Variants in DPYS observed in about 807,000 individuals in gnomAD.
DPYS encodes the protein dihydropyrimidine amidohydrolase.
A neutral mutation model predicts 50.3 loss-of-function variants in DPYS; 39 were observed. The observed-to-expected ratio is 0.78, with a 90% CI of 0.60 to 1.01. DPYS has a LOEUF of 1.01. DPYS is among the 50% of genes least tolerant of loss of function. The pLI, the probability that DPYS is intolerant of heterozygous loss-of-function variation, is 0.00. For missense variants in DPYS, 659 were observed against 680.9 expected, an observed-to-expected ratio of 0.97 and a Z score of 0.36; for synonymous variants, 245 against 250.7, an observed-to-expected ratio of 0.98 and a Z score of 0.22.
intron 1 of DPYS, among the ~76,000 whole-genome samples, chr8:104,465,666 A>G (rs894866291): frequency 9.9e-5 from 15 of 152,128 alleles, no homozygotes; most frequent in Non-Finnish European, 2.2e-4. Context: ...ACTAACACTA[A>G]CGACAGCCAA....
intron 7 of DPYS, among the ~76,000 whole-genome samples, chr8:104,403,669 G>A (rs1811901155): frequency 6.6e-6 from 1 of 152,166 alleles, no homozygotes; most frequent in African/African-American, 2.4e-5. Context: ...CCCTACTGAG[G>A]GAAATGAAAA....
chr8:104,448,016 C>T (rs1813599034), intron 2 of DPYS, among the ~76,000 whole-genome samples: 1 of 152,136 alleles, frequency 6.6e-6, no homozygotes, highest in Admixed American at 6.5e-5. Flanking sequence ...TAGAGCCAGC[C>T]GTGGTGGCAT....
Position 104,466,892 on chromosome 8 carries a change from C to A in DPYS, c.29G>T (p.Arg10Leu). 1.3e-6 allele frequency: 2 copies of A among 1,510,918 alleles called. No homozygotes were observed. The highest frequency in any genetic ancestry group is 2.5e-5 in the South Asian group (2 of 81,402). The allele number at this position is 1,510,918 out of a possible 1,614,324, so 93.6% of individuals were successfully genotyped here. Residue 10 changes from arginine to leucine, a missense_variant, in exon 1 of 10, where the codon CGC becomes CTC. Physicochemically the swap from Arg to Leu is moderately radical, Grantham distance 102. Transcript: ENST00000351513. ...GTCATCGTTGACCACGCGACCCCCGCGGATCAGGAGCCGCGAGGGCGCCGC... is the reference window on the plus strand; with the variant it reads ...GTCATCGTTGACCACGCGACCCCCGAGGATCAGGAGCCGCGAGGGCGCCGC... MAAPSRLLI[R>L]GGRVVNDDFS...
chr8:104,395,508 C>T (rs1188643457), intron 7 of DPYS, among the ~76,000 whole-genome samples: 1 of 152,162 alleles, frequency 6.6e-6, no homozygotes, highest in Non-Finnish European at 1.5e-5. Flanking sequence ...CTGATCTATT[C>T]TTCATCACTA....
At chr8:104,439,852 T>A (rs1011169829) in intron 4 of DPYS, among the ~76,000 whole-genome samples, 1 of 152,204 alleles carries the variant, frequency 6.6e-6, no homozygotes, top group African/African-American at 2.4e-5. Context: ...CAACTTCAGA[T>A]CAATTTCTCC....
At chr8:104,395,154 C>T (rs1811535488) in intron 7 of DPYS, among the ~76,000 whole-genome samples, 1 of 151,860 alleles carries the variant, frequency 6.6e-6, no homozygotes, top group South Asian at 2.1e-4. Context: ...TGCCACCACA[C>T]CCAGCTAATT....
chr8:104,408,778 C>T (rs1443675512), intron 7 of DPYS, among the ~76,000 whole-genome samples: 1 of 151,392 alleles, frequency 6.6e-6, no homozygotes, highest in Non-Finnish European at 1.5e-5. Flanking sequence ...TCAAAGGATT[C>T]TAAAATACAT....
At chr8:104,435,761 C>A (rs1453784104) in intron 4 of DPYS, among the ~76,000 whole-genome samples, 1 of 152,120 alleles carries the variant, frequency 6.6e-6, no homozygotes, top group Non-Finnish European at 1.5e-5. Flanking sequence ...CCCACCTCTT[C>A]TTTCCCAGTT....
intron 7 of DPYS, among the ~76,000 whole-genome samples, chr8:104,416,355 T>C (rs546631286): frequency 6.6e-6 from 1 of 152,230 alleles, no homozygotes; most frequent in South Asian, 2.1e-4. Flanking sequence ...ATGTGAAGAG[T>C]GCCCCTGTAA....
intron 4 of DPYS, among the ~76,000 whole-genome samples, chr8:104,432,076 C>A (rs1255025307): frequency 6.6e-6 from 1 of 152,186 alleles, no homozygotes; most frequent in Non-Finnish European, 1.5e-5. Flanking sequence ...ACATTCACAA[C>A]TGGAGGGTTT....
At chr8:104,403,549 C>T (rs1340047751) in intron 7 of DPYS, among the ~76,000 whole-genome samples, 3 of 152,100 alleles carry the variant, frequency 2.0e-5, no homozygotes, top group Non-Finnish European at 4.4e-5. Flanking sequence ...GGAAGGAGGG[C>T]TCTCAATTTA....
At chr8:104,384,756 T>C (rs2140504058) in intron 8 of DPYS, among the ~76,000 whole-genome samples, 1 of 152,318 alleles carries the variant, frequency 6.6e-6, no homozygotes, top group East Asian at 1.9e-4. Flanking sequence ...GCTAAAAGCA[T>C]ACCTAATTCT....
In DPYS at chr8:104,451,390, T is replaced by C. The variant is rs1422653354; in HGVS notation, c.279A>G (p.Gly93=). The C allele has an allele frequency of 6.2e-7, 1 of 1,614,020 alleles. No individual in the cohort carries two copies. The highest frequency in any genetic ancestry group is 8.5e-7 in the Non-Finnish European group (1 of 1,180,020). The part of the protein sequence containing the change: ...FHQGTKAALS[G]GTTMIIDFAI... ...CGAAATCAATAATCATGGTGGTGCC[T>C]CCTGAGAGAGCAGCCTGGAATCATA... Residue 93 remains glycine (G), a synonymous_variant, in exon 2 of 10, where the codon GGA becomes GGG. Coordinates refer to ENST00000351513, the MANE Select transcript of DPYS (RefSeq NM_001385.3).
chr8:104,394,385 C>A (rs185030930), intron 7 of DPYS, among the ~76,000 whole-genome samples: 67 of 152,284 alleles, frequency 4.4e-4, no homozygotes, highest in Admixed American at 2.6e-3. Flanking sequence ...ACAACCCACC[C>A]ACTCAAGTTT....
At chr8:104,380,361 A>C (rs1419432931) in intron 9 of DPYS, among the ~76,000 whole-genome samples, 1 of 152,266 alleles carries the variant, frequency 6.6e-6, no homozygotes, top group African/African-American at 2.4e-5. Context: ...TCTTGTGCAG[A>C]TGGCCACGTG....
At chr8:104,433,006 A>G (rs778226327) in intron 4 of DPYS, among the ~76,000 whole-genome samples, 2 of 152,232 alleles carry the variant, frequency 1.3e-5, no homozygotes, top group Non-Finnish European at 2.9e-5. Flanking sequence ...CCCTAATTCA[A>G]TAACACTGTG....
chr8:104,401,152 A>T (rs1811790578), intron 7 of DPYS, among the ~76,000 whole-genome samples: 1 of 152,220 alleles, frequency 6.6e-6, no homozygotes, highest in Non-Finnish European at 1.5e-5. Context: ...TGAGAAACAA[A>T]AAAAGTTAAT....
At chr8:104,414,677 C>T (rs1812307173) in intron 7 of DPYS, among the ~76,000 whole-genome samples, 1 of 152,154 alleles carries the variant, frequency 6.6e-6, no homozygotes, top group South Asian at 2.1e-4. Context: ...AGACAAGGTT[C>T]TTTGCTGTAC....
intron 8 of DPYS, among the ~76,000 whole-genome samples, chr8:104,383,191 A>G (rs1427348357): frequency 6.6e-6 from 1 of 152,102 alleles, no homozygotes; most frequent in African/African-American, 2.4e-5. Context: ...GCACATCAGA[A>G]TCCTTCCTGG....
Sources: allele counts gnomAD v4.1 joint callset (sites outside exome capture counted in the v4.1 genomes callset), GRCh38; gene constraint gnomAD v4.1.1; transcripts MANE v1.5; gene names NCBI Gene and HGNC (gene_info 2026-07-23, HGNC 2026-07-21).